Variants in CEP131 observed in about 807,000 individuals in gnomAD.
The protein encoded by CEP131 is centrosomal protein 131.
CEP131 carries 99 observed loss-of-function variants against 136.8 expected under a neutral mutation model. The observed-to-expected ratio is 0.72, with a 90% CI of 0.62 to 0.86. The LOEUF (loss-of-function observed/expected upper bound fraction) is 0.86. Among genes scored for constraint, CEP131 ranks in the 40% least tolerant of loss-of-function variants. The pLI, the probability that CEP131 is intolerant of heterozygous loss-of-function variation, is 0.00. For synonymous variants in CEP131, 646 were observed against 612.7 expected (o/e 1.05, Z -0.80); for missense variants, 1,459 against 1,463.0 (o/e 1.00, Z 0.04).
At chr17:81,195,755 C>T in intron 16 of CEP131, 80 bp downstream of exon 16, 1 of 1,278,706 alleles carries the variant, frequency 7.8e-7, no homozygotes, top group African/African-American at 1.5e-5. Flanking sequence ...CAAGTCCGGT[C>T]CTGTTCTGGG....
chr17:81,192,625 GTCA>G (rs776017764), intron 19 of CEP131, 32 bp from the exon 20 acceptor site: 1 of 1,491,094 alleles, frequency 6.7e-7, no homozygotes, highest in Admixed American at 1.8e-5. Flanking sequence ...CAGGTGAGGG[GTCA>G]TCGAGTAAGG....
At position 81,203,875 on chromosome 17, in the gene CEP131, G is replaced by A. The variant is rs539631938; in HGVS notation, c.516-268C>T. The A allele has an allele frequency of 2.7e-5, 12 of 439,888 alleles. No individual in the cohort carries two copies. Among genetic ancestry groups the A allele is most frequent in the Non-Finnish European group, 4.1e-5 (10 of 241,780 alleles). The allele number at this position is 439,888 out of a possible 1,614,324, so 27.2% of individuals were successfully genotyped here. A position where few individuals can be genotyped will look rare whatever the true frequency, so the allele number is the denominator to read the frequency against. On this transcript the variant is annotated intron_variant, in intron 5 of 25. Transcript: ENST00000450824. This position sits in a 1 kb window ranked among gnomAD's most constrained non-coding sequence, Gnocchi z 4.6. The stretch of plus-strand genomic sequence containing the variant: ...CATGAACGCTGGACGTGCCCAAGAC[G>A]GGGGGAGCAGCTCAGGCCAGCAGCT...
At position 81,189,674 on chromosome 17, in the gene CEP131, T is replaced by TG. The variant is rs1225705723; in HGVS notation, c.*94dup. The TG allele has an allele frequency of 1.5e-6, 2 of 1,300,620 alleles. No individual in the cohort carries two copies. The highest frequency in any genetic ancestry group is 1.1e-6 in the Non-Finnish European group (1 of 951,570). The allele number at this position is 1,300,620 out of a possible 1,614,324, so 80.6% of individuals were successfully genotyped here. On this transcript the variant is annotated 3_prime_UTR_variant, in exon 26 of 26. Transcript: ENST00000450824. ...TGGGCATCTCAACCACCAGCCTCTG[T>TG]GGGGGGCAGGTGGGCGTCCCTGTGG... is the stretch of plus-strand genomic sequence containing the variant.
At chr17:81,197,132 G>A (rs1353451255) in intron 13 of CEP131, 77 bp from the exon 14 acceptor site, 17 of 1,499,250 alleles carry the variant, frequency 1.1e-5, no homozygotes, top group East Asian at 2.5e-5. Flanking sequence ...ATGCCCCTGC[G>A]GCCCTGCCCT....
At chr17:81,200,280 G>T in intron 8 of CEP131, 49 bp downstream of exon 8, 1 of 1,453,802 alleles carries the variant, frequency 6.9e-7, no homozygotes, top group Non-Finnish European at 9.5e-7. Flanking sequence ...TGGGATTCTG[G>T]GCCAGACCCC....
intron 1 of CEP131, among the ~76,000 whole-genome samples, chr17:81,221,484 G>C (rs1224705675): frequency 2.6e-5 from 4 of 152,212 alleles, no homozygotes. Context: ...ACTCCTGCAA[G>C]ATCTGGCCCT....
chr17:81,192,881 C>CG (rs1567848667), intron 18 of CEP131, 38 bp from the exon 19 acceptor site: 1 of 1,576,944 alleles, frequency 6.3e-7, no homozygotes, highest in Admixed American at 1.7e-5. Context: ...GGGGCCGGGA[C>CG]GGGCGGTCCC....
At position 81,191,244 on chromosome 17, in the gene CEP131, T is replaced by C; in HGVS notation, c.2714A>G (p.Glu905Gly). The part of the protein sequence containing the change: ...KEIELVIHRL[E>G]ADMALAKEES... The stretch of plus-strand genomic sequence containing the variant: ...CTCCTTGGCCAGCGCCATGTCGGCC[T>C]CCAGCCGGTGAATGACCAGCTCAAT... The change falls in exon 22 of 26, where the codon GAG becomes GGG. Residue 905 changes from glutamate to glycine, a missense_variant. Physicochemically the swap from Glu to Gly is moderately conservative, Grantham distance 98. Around this residue, in one of 3 missense-constraint regions of CEP131, gnomAD observed 1,026 missense variants for 964.2 expected, o/e 1.06. Coordinates refer to ENST00000450824, the MANE Select transcript of CEP131 (RefSeq NM_014984.4). The C allele has an allele frequency of 6.2e-7, 1 of 1,613,194 alleles. No individual in the cohort carries two copies. The highest frequency in any genetic ancestry group is 8.5e-7 in the Non-Finnish European group (1 of 1,179,964).
chr17:81,192,208 G>T, intron 21 of CEP131, 110 bp downstream of exon 21: 1 of 991,590 alleles, frequency 1.0e-6, no homozygotes, highest in Non-Finnish European at 1.5e-6. Flanking sequence ...TCCCAGAAAC[G>T]AGCCCCCAGG....
Position 81,207,157 on chromosome 17 carries a change from G to T in CEP131, c.355C>A (p.Pro119Thr). The T allele has an allele frequency of 1.2e-6, 2 of 1,613,502 alleles. No homozygotes were observed. The highest frequency in any genetic ancestry group is 1.7e-5 in the Admixed American group (1 of 59,878). The change falls in exon 4 of 26, where the codon CCC (proline) becomes ACC (threonine). Residue 119 changes from proline (P) to threonine (T), a missense_variant. Physicochemically the swap from Pro to Thr is conservative, Grantham distance 38. Around this residue, in one of 3 missense-constraint regions of CEP131, gnomAD observed 187 missense variants for 179.9 expected, o/e 1.04. Transcript: ENST00000450824. ...KKRPASLSTA[P>T]SEKGATWNVL... is the part of the protein sequence containing the mutation. ...TTCCAGGTGGCTCCCTTCTCGCTGGGGGCTGTGCTCAGGCTGGCAGGCCTC... is the reference window on the plus strand; with the variant it reads ...TTCCAGGTGGCTCCCTTCTCGCTGGTGGCTGTGCTCAGGCTGGCAGGCCTC...
rs2062061808 is a variant in CEP131 at position 81,208,406 on chromosome 17, T to C, written c.272+522A>G. Among the ~76,000 whole-genome samples the C allele has an allele frequency of 1.3e-5, 2 of 152,072 alleles. No individual in the cohort carries two copies. The highest frequency in any genetic ancestry group is 4.8e-5 in the African/African-American group (2 of 41,410). ...TCGCCCACCACTCTGGGCTAGAGGATGTCCCCCCGGAGGCTGCTGGCCACC... is the reference window on the plus strand; with the variant it reads ...TCGCCCACCACTCTGGGCTAGAGGACGTCCCCCCGGAGGCTGCTGGCCACC... On this transcript the variant is annotated intron_variant, in intron 3 of 25. Coordinates refer to ENST00000450824, the MANE Select transcript of CEP131 (RefSeq NM_014984.4). This position sits in a 1 kb window ranked among gnomAD's most constrained non-coding sequence, Gnocchi z 5.6.
Position 81,197,722 on chromosome 17 carries a change from G to C in CEP131, c.1637C>G (p.Ser546Cys). The C allele has an allele frequency of 6.2e-7, 1 of 1,610,908 alleles. No individual in the cohort carries two copies. Among genetic ancestry groups the C allele is most frequent in the Non-Finnish European group, 8.5e-7 (1 of 1,178,842 alleles). ...MEKSGQDQLD[S>C]QQEGWVPEAG... ...CTGGTGAGGGGCCACCTCCTGCTGG[G>C]AGTCCAGCTGGTCCTGCCCAGACTT... is the stretch of plus-strand genomic sequence containing the variant. Residue 546 changes from serine to cysteine, a missense_variant, in exon 13 of 26, where the codon TCC becomes TGC. Physicochemically the swap from Ser to Cys is moderately radical, Grantham distance 112. This residue lies in a region of CEP131 where 1,026 missense variants were observed against 964.2 expected (regional missense o/e 1.06). Transcript: ENST00000450824.
chr17:81,213,881 C>T (rs2062187342), intron 2 of CEP131, among the ~76,000 whole-genome samples: 1 of 152,168 alleles, frequency 6.6e-6, no homozygotes, highest in African/African-American at 2.4e-5. Flanking sequence ...TAGAACCCAT[C>T]CACCACCCAG....
At chr17:81,191,371 G>A (rs869370) in intron 21 of CEP131, 36 bp from the exon 22 acceptor site, 767,119 of 1,611,034 alleles carry the variant, frequency 0.48, 191,349 homozygotes, top group East Asian at 0.68. Flanking sequence ...GTTGCCACCC[G>A]GAGCCGGCCC....
At position 81,196,801 on chromosome 17, in the gene CEP131, C is replaced by T. The variant is rs141687608; in HGVS notation, c.1799G>A (p.Arg600Gln). Residue 600 changes from arginine (R) to glutamine (Q), a missense_variant, in exon 15 of 26, where the codon CGG becomes CAG. Physicochemically the swap from Arg to Gln is conservative, Grantham distance 43. Transcript: ENST00000450824. ...ALAQQRDLTA[R>Q]RVKETEKALS... ...CGCCTTCTCTGTCTCCTTGACCCGCCGGGCCGTGAGGTCTCGCTGCTGCGC... is the reference window on the plus strand; with the variant it reads ...CGCCTTCTCTGTCTCCTTGACCCGCTGGGCCGTGAGGTCTCGCTGCTGCGC... 148 of 1,591,588 alleles carry T rather than the reference C, an allele frequency of 9.3e-5. No individual in the cohort carries two copies. Among genetic ancestry groups the T allele is most frequent in the Non-Finnish European group, 1.1e-4 (134 of 1,170,634 alleles).
At chr17:81,192,684 G>A in intron 19 of CEP131, 52 bp downstream of exon 19, 1 of 476,800 alleles carries the variant, frequency 2.1e-6, no homozygotes, top group South Asian at 1.6e-5. Flanking sequence ...GGGGGGGAGG[G>A]GTCAGCCAGC....
chr17:81,199,678 T>C, intron 9 of CEP131, 41 bp downstream of exon 9: 1 of 1,602,314 alleles, frequency 6.2e-7, no homozygotes, highest in Non-Finnish European at 8.5e-7. Context: ...CGGTCAGGCC[T>C]GGGCCACGGT....
At chr17:81,218,130 C>CCG (rs2062296401) in intron 2 of CEP131, among the ~76,000 whole-genome samples, 2 of 151,878 alleles carry the variant, frequency 1.3e-5, no homozygotes, top group South Asian at 4.2e-4. Flanking sequence ...GCAGCCTCCT[C>CCG]CGCCCGGGTT....
rs7219367 is a variant in CEP131, at chr17:81,196,663, C to T, written c.1899+38G>A. On this transcript the variant is annotated intron_variant, in intron 15 of 25. Transcript: ENST00000450824. The stretch of plus-strand genomic sequence containing the variant: ...GCTCTGGAAGTCTCCATGAGCCACG[C>T]GCTGGGTCCGGGCCTCTGCGCTCCC... 1.1e-3 allele frequency: 1,714 copies of T among 1,583,120 alleles called. 14 individuals are homozygous for T. In the African/African-American group the frequency reaches 0.019, roughly 18 times the overall value.
Sources: allele counts gnomAD v4.1 joint callset (sites outside exome capture counted in the v4.1 genomes callset), GRCh38; gene constraint gnomAD v4.1.1; regional missense constraint gnomAD v4.1.1; non-coding constraint Gnocchi (gnomAD v3.1); transcripts MANE v1.5; gene names NCBI Gene and HGNC (gene_info 2026-07-23, HGNC 2026-07-21).